The following RAB27B variants were observed in gnomAD, a reference collection of about 807,000 sequenced individuals.
RAB27B encodes the protein ras-related protein Rab-27B.
In RAB27B, 15 loss-of-function variants were observed where a neutral mutation model predicts 24.6. The ratio of observed to expected loss-of-function variants is 0.61; its 90% CI spans 0.41 to 0.94. The LOEUF (loss-of-function observed/expected upper bound fraction) is 0.94. Ranked by LOEUF, RAB27B falls within the 40% of genes least tolerant of loss-of-function variation. The pLI, the probability that RAB27B is intolerant of heterozygous loss-of-function variation, is 0.00. For missense variants in RAB27B, 261 were observed against 266.8 expected (o/e 0.98, Z 0.15); for synonymous variants, 105 against 92.5 (o/e 1.14, Z -0.78).
At chr18:54,762,186 AGTTTT>A (rs1164533978) in intron 2 of RAB27B, among the ~76,000 whole-genome samples, 1 of 152,018 alleles carries the variant, frequency 6.6e-6, no homozygotes, top group African/African-American at 2.4e-5. Flanking sequence ...ATAATTCTGT[AGTTTT>A]GTTTTGTTTT....
At position 54,891,227 on chromosome 18, in the gene RAB27B, G is replaced by A. The variant is rs1913356989; in HGVS notation, c.*1814G>A. Reference sequence around the variant, plus strand: ...AAATGTCTCTTTATAATGTTCTTAGGATGGACTAGACCCATAAATGTGCCA... The same window carrying A: ...AAATGTCTCTTTATAATGTTCTTAGAATGGACTAGACCCATAAATGTGCCA... On this transcript the variant is annotated 3_prime_UTR_variant, in exon 6 of 6. Coordinates refer to ENST00000262094, the MANE Select transcript of RAB27B (RefSeq NM_004163.4). 5 of 151,976 alleles carry A rather than the reference G, an allele frequency of 3.3e-5. No homozygotes were observed. The South Asian group carries it at 1.0e-3, about 32-fold the overall frequency. The allele number at this position is 151,976 out of a possible 1,614,324, so 9.4% of individuals were successfully genotyped here. A position where few individuals can be genotyped will look rare whatever the true frequency, so the allele number is the denominator to read the frequency against.
intron 2 of RAB27B, among the ~76,000 whole-genome samples, chr18:54,778,844 C>CTT (rs112981715): frequency 1.3e-4 from 19 of 143,346 alleles, no homozygotes; most frequent in African/African-American, 4.3e-4. Flanking sequence ...CAGTTAAGTC[C>CTT]TTTTTTTTTT....
chr18:54,815,346 T>G (rs1910089565), intron 2 of RAB27B, among the ~76,000 whole-genome samples: 1 of 152,216 alleles, frequency 6.6e-6, no homozygotes, highest in Admixed American at 6.5e-5. Context: ...GACCCCTTTG[T>G]GCAGACATAG....
At chr18:54,829,603 A>G (rs374103284) in intron 1 of RAB27B, among the ~76,000 whole-genome samples, 45 of 152,214 alleles carry the variant, frequency 3.0e-4, no homozygotes, top group African/African-American at 1.0e-3. Flanking sequence ...TTATAAGAAA[A>G]ATGTCTACAG....
At chr18:54,817,591 G>A (rs1910160613) in intron 2 of RAB27B, among the ~76,000 whole-genome samples, 1 of 152,034 alleles carries the variant, frequency 6.6e-6, no homozygotes, top group African/African-American at 2.4e-5. Flanking sequence ...GTCTCTTAGA[G>A]CCATCTATCC....
At chr18:54,767,007 AC>A (rs1390710494) in intron 2 of RAB27B, among the ~76,000 whole-genome samples, 2 of 152,136 alleles carry the variant, frequency 1.3e-5, no homozygotes, top group African/African-American at 4.8e-5. Flanking sequence ...CTGACCAGGA[AC>A]TTTTGAGGAC....
intron 2 of RAB27B, among the ~76,000 whole-genome samples, chr18:54,756,729 T>G (rs936474241): frequency 6.6e-6 from 1 of 152,138 alleles, no homozygotes; most frequent in South Asian, 2.1e-4. Context: ...TAAATGAATA[T>G]GGATGAATGG....
At chr18:54,850,128 TAAAC>T (rs1408789129) in intron 1 of RAB27B, among the ~76,000 whole-genome samples, 3 of 151,670 alleles carry the variant, frequency 2.0e-5, no homozygotes, top group Non-Finnish European at 2.9e-5. Flanking sequence ...TGTCCAAAAA[TAAAC>T]AAACTGGGCT....
rs138778740 is a variant in RAB27B, at chr18:54,725,541, G to T, written c.-20+7400G>T. On this transcript the variant is annotated intron_variant, in intron 2 of 4. Transcript: ENST00000586570. ...CATTATGCTATAAAGAACCGCCCAAGACTGGGTAATTTATAAAGGAAAGAG... is the reference window on the plus strand; with the variant it reads ...CATTATGCTATAAAGAACCGCCCAATACTGGGTAATTTATAAAGGAAAGAG... Among the ~76,000 whole-genome samples the T allele has an allele frequency of 2.6e-5, 4 of 151,726 alleles. 1 individual carries two copies. The highest frequency in any genetic ancestry group is 6.6e-5 in the Admixed American group (1 of 15,200).
chr18:54,749,584 G>A (rs1027678365), intron 2 of RAB27B, among the ~76,000 whole-genome samples: 1 of 152,136 alleles, frequency 6.6e-6, no homozygotes, highest in Non-Finnish European at 1.5e-5. Flanking sequence ...GATTGCAGAG[G>A]AGTTCTCTAG....
At chr18:54,881,390 G>C (rs575695399) in intron 3 of RAB27B, among the ~76,000 whole-genome samples, 1 of 152,096 alleles carries the variant, frequency 6.6e-6, no homozygotes, top group South Asian at 2.1e-4. Context: ...CTATCTCAGG[G>C]GTCACGTGTG....
At chr18:54,843,927 G>T (rs1427596589) in intron 1 of RAB27B, among the ~76,000 whole-genome samples, 1 of 152,100 alleles carries the variant, frequency 6.6e-6, no homozygotes, top group Non-Finnish European at 1.5e-5. Flanking sequence ...ATCCAAACAA[G>T]TTTAGGACCA....
At chr18:54,758,799 G>A (rs1007874913) in intron 2 of RAB27B, among the ~76,000 whole-genome samples, 2 of 152,026 alleles carry the variant, frequency 1.3e-5, no homozygotes, top group Non-Finnish European at 2.9e-5. Flanking sequence ...GCTGAAGTGG[G>A]AGCAAATGCC....
At chr18:54,849,131 A>G (rs897645201) in intron 1 of RAB27B, among the ~76,000 whole-genome samples, 19 of 152,084 alleles carry the variant, frequency 1.2e-4, no homozygotes, top group Non-Finnish European at 2.1e-4. Context: ...ATGGGAGAAA[A>G]TGTATGGGGA....
chr18:54,752,909 A>G (rs1907880556), intron 2 of RAB27B, among the ~76,000 whole-genome samples: 1 of 152,068 alleles, frequency 6.6e-6, no homozygotes, highest in South Asian at 2.1e-4. Context: ...GATATAAAGG[A>G]GGTGAGATCT....
intron 2 of RAB27B, among the ~76,000 whole-genome samples, chr18:54,804,896 TTC>T (rs145922058): frequency 1.6e-4 from 3 of 18,190 alleles, no homozygotes; most frequent in African/African-American, 2.8e-4. Flanking sequence ...TTCTTTCTCT[TTC>T]TCTCTCTCTT....
At chr18:54,757,688 C>G (rs1208618385) in intron 2 of RAB27B, among the ~76,000 whole-genome samples, 1 of 152,066 alleles carries the variant, frequency 6.6e-6, no homozygotes, top group East Asian at 1.9e-4. Context: ...AAAAAGATTA[C>G]TTATTTTTCT....
At chr18:54,753,020 C>T (rs1189886924) in intron 2 of RAB27B, among the ~76,000 whole-genome samples, 1 of 152,196 alleles carries the variant, frequency 6.6e-6, no homozygotes, top group Middle Eastern at 3.4e-3. Flanking sequence ...GAGGGCAGTG[C>T]TAGTGACTGA....
chr18:54,816,987 A>T (rs1029870951), intron 2 of RAB27B, among the ~76,000 whole-genome samples: 2 of 152,192 alleles, frequency 1.3e-5, no homozygotes, highest in Admixed American at 6.5e-5. Context: ...TGCAAATCAC[A>T]TTTATTTCGA....
Sources: gnomAD v4.1 joint callset for allele counts (sites outside exome capture counted in the v4.1 genomes callset) on GRCh38, gnomAD v4.1.1 for gene constraint, MANE v1.5 for transcripts, NCBI Gene and HGNC (gene_info 2026-07-23, HGNC 2026-07-21) for gene names.